The following DLG2 variants were observed in gnomAD, a reference collection of about 807,000 sequenced individuals.
The protein encoded by DLG2 is discs large MAGUK scaffold protein 2.
DLG2 carries 45 observed loss-of-function variants against 132.5 expected under a neutral mutation model. That is an observed-to-expected ratio of 0.34 (90% confidence interval 0.27 to 0.44). DLG2 has a LOEUF of 0.44. Among genes scored for constraint, DLG2 ranks in the 20% least tolerant of loss-of-function variants. The probability of loss-of-function intolerance (pLI) is 1.00; values close to 1 mark genes in which losing one functional copy is unlikely to be tolerated. For synonymous variants in DLG2, 424 were observed against 419.6 expected (o/e 1.01, Z -0.13); for missense variants, 1,045 against 1,196.9 (o/e 0.87, Z 1.87).
In DLG2 at chr11:83,895,146, T is replaced by A. The variant is rs2071232443; in HGVS notation, c.1497-20658A>T. Among the ~76,000 whole-genome samples the A allele has an allele frequency of 3.9e-4, 4 of 10,294 alleles. No homozygotes were observed. The South Asian group carries it at 0.028, about 71-fold the overall frequency. The allele number at this position is 10,294 out of a possible 152,430, so 6.8% of individuals were successfully genotyped here. A position where few individuals can be genotyped will look rare whatever the true frequency, so the allele number is the denominator to read the frequency against. On this transcript the variant is annotated intron_variant, in intron 15 of 27. Transcript: ENST00000376104. ...CATCATATTACTAAGAACTACTGTC[T>A]TTTTTTTTTTTTTTTTTTTTTGGAG...
intron 8 of DLG2, among the ~76,000 whole-genome samples, chr11:84,222,639 CT>C (rs2096932005): frequency 6.6e-6 from 1 of 152,168 alleles, no homozygotes; most frequent in Non-Finnish European, 1.5e-5. Flanking sequence ...TAGCAGTATT[CT>C]GCTCTTATAG....
chr11:83,987,233 G>T (rs1032992290), intron 11 of DLG2, among the ~76,000 whole-genome samples: 10 of 152,012 alleles, frequency 6.6e-5, no homozygotes, highest in Admixed American at 2.0e-4. Context: ...CATGCTCATG[G>T]GTAGGAAGAA....
intron 3 of DLG2, among the ~76,000 whole-genome samples, chr11:85,517,234 T>C (rs2094187011): frequency 6.6e-6 from 1 of 151,970 alleles, no homozygotes; most frequent in East Asian, 1.9e-4. Flanking sequence ...CATCCTATCA[T>C]GATTTAAAAA....
intron 18 of DLG2, among the ~76,000 whole-genome samples, chr11:83,678,404 T>A (rs2078137587): frequency 6.6e-6 from 1 of 152,210 alleles, no homozygotes; most frequent in Non-Finnish European, 1.5e-5. Flanking sequence ...CTCCCAGTCC[T>A]GGGCTAGCCC....
At chr11:85,096,340 C>T (rs1410026856) in intron 6 of DLG2, among the ~76,000 whole-genome samples, 1 of 152,210 alleles carries the variant, frequency 6.6e-6, no homozygotes, top group Non-Finnish European at 1.5e-5. Flanking sequence ...GTAACACTCA[C>T]TGCAAGGGTC....
intron 19 of DLG2, among the ~76,000 whole-genome samples, chr11:83,589,401 G>C (rs1371365840): frequency 6.7e-6 from 1 of 148,994 alleles, no homozygotes; most frequent in Non-Finnish European, 1.5e-5. Flanking sequence ...AGCTTCATAA[G>C]TGAAGGAGAA....
chr11:85,444,345 TAAAA>T, intron 3 of DLG2, among the ~76,000 whole-genome samples: 1 of 149,372 alleles, frequency 6.7e-6, no homozygotes, highest in South Asian at 2.1e-4. Flanking sequence ...TATAGCTGAG[TAAAA>T]AAAAAAGTTA....
intron 15 of DLG2, among the ~76,000 whole-genome samples, chr11:83,910,497 T>G (rs1275988912): frequency 6.6e-6 from 1 of 152,156 alleles, no homozygotes; most frequent in Non-Finnish European, 1.5e-5. Context: ...TTTAATGTCC[T>G]GTAGCATGGT....
chr11:85,465,358 C>T (rs2092752828), intron 3 of DLG2, among the ~76,000 whole-genome samples: 6 of 151,496 alleles, frequency 4.0e-5, no homozygotes, highest in Admixed American at 3.9e-4. Context: ...ACAATGTGCA[C>T]GTTTGTTACA....
chr11:84,080,861 G>C (rs868181989), intron 10 of DLG2, among the ~76,000 whole-genome samples: 2 of 151,706 alleles, frequency 1.3e-5, no homozygotes, highest in Non-Finnish European at 2.9e-5. Flanking sequence ...GCGTGGTGGC[G>C]GACACCTGTA....
rs544719982 is a variant in DLG2, at chr11:83,620,827, G to A, written c.1940+12384C>T. ...GGAGCTTGCAGTGAGCCGAGATCCC[G>A]CCACTGCACTCCAGCCTGGGCGACA... On this transcript the variant is annotated intron_variant, in intron 19 of 27. Coordinates refer to ENST00000376104, the MANE Select transcript of DLG2 (RefSeq NM_001142699.3). 8.6e-5 allele frequency among the ~76,000 whole-genome samples: 10 copies of A among 116,580 alleles called. No individual in the cohort carries two copies. The South Asian group carries it at 1.7e-3, about 20-fold the overall frequency. The allele number at this position is 116,580 out of a possible 152,430, so 76.5% of individuals were successfully genotyped here. A position where few individuals can be genotyped will look rare whatever the true frequency, so the allele number is the denominator to read the frequency against.
At chr11:85,391,181 A>G (rs1214465111) in intron 3 of DLG2, among the ~76,000 whole-genome samples, 1 of 152,120 alleles carries the variant, frequency 6.6e-6, no homozygotes, top group Non-Finnish European at 1.5e-5. Context: ...AAACTAGAAA[A>G]CCTAGAGGAC....
At chr11:85,288,196 TAAAG>T (rs1338822535) in intron 3 of DLG2, among the ~76,000 whole-genome samples, 1 of 151,922 alleles carries the variant, frequency 6.6e-6, no homozygotes, top group African/African-American at 2.4e-5. Context: ...TCATAAATAA[TAAAG>T]AAAAATTTTG....
intron 6 of DLG2, among the ~76,000 whole-genome samples, chr11:84,688,824 G>A (rs912003797): frequency 1.3e-5 from 2 of 152,124 alleles, no homozygotes; most frequent in African/African-American, 4.8e-5. Flanking sequence ...ACACTTCTAG[G>A]AGTCTCTCTC....
chr11:83,772,498 GAGGGGA>G (rs1264904042), intron 18 of DLG2, among the ~76,000 whole-genome samples: 3 of 143,916 alleles, frequency 2.1e-5, no homozygotes, highest in Non-Finnish European at 4.6e-5. Flanking sequence ...GGAGAAGGGG[GAGGGGA>G]AGGGGAAGGG....
chr11:83,811,857 C>A (rs1188494103), intron 17 of DLG2, among the ~76,000 whole-genome samples: 1 of 152,042 alleles, frequency 6.6e-6, no homozygotes, highest in Non-Finnish European at 1.5e-5. Context: ...ACTAGTATAA[C>A]AGAGAGAAAG....
intron 18 of DLG2, among the ~76,000 whole-genome samples, chr11:83,754,137 A>G (rs769672057): frequency 6.6e-6 from 1 of 150,542 alleles, no homozygotes; most frequent in Non-Finnish European, 1.5e-5. Flanking sequence ...AATTATCCAA[A>G]TAATGATCTT....
chr11:83,704,773 G>A (rs188245108), intron 18 of DLG2, among the ~76,000 whole-genome samples: 1,885 of 152,202 alleles, frequency 0.012, 48 homozygotes, highest in African/African-American at 0.04. Flanking sequence ...GTGGCAGTGA[G>A]CCGAGATCAC....
At chr11:84,707,577 T>C (rs756518887) in intron 6 of DLG2, among the ~76,000 whole-genome samples, 6 of 151,758 alleles carry the variant, frequency 4.0e-5, no homozygotes, top group Admixed American at 1.3e-4. Context: ...AAGAGTACAA[T>C]AGGTTGTATT....
Sources: gnomAD v4.1 joint callset for allele counts (sites outside exome capture counted in the v4.1 genomes callset) on GRCh38, gnomAD v4.1.1 for gene constraint, MANE v1.5 for transcripts, NCBI Gene and HGNC (gene_info 2026-07-23, HGNC 2026-07-21) for gene names.